EDA: variants seen among roughly 807,000 people sequenced by gnomAD.
EDA encodes ectodysplasin-A.
A neutral mutation model predicts 23.6 loss-of-function variants in EDA; 2 were observed. The ratio of observed to expected loss-of-function variants is 0.08; its 90% CI spans 0.03 to 0.27. EDA has a LOEUF of 0.27. Among genes scored for constraint, EDA ranks in the 10% least tolerant of loss-of-function variants. The pLI, the probability that EDA is intolerant of heterozygous loss-of-function variation, is 1.00. For synonymous variants in EDA, 131 were observed against 132.0 expected (o/e 0.99, Z 0.05); for missense variants, 229 against 324.2 (o/e 0.71, Z 2.26).
At chrX:69,812,924 T>C (rs2015994484) in intron 1 of EDA, among the ~76,000 whole-genome samples, 1 of 111,757 alleles carries the variant, frequency 8.9e-6, no homozygotes, top group Admixed American at 9.5e-5. Flanking sequence ...AATTAAGATT[T>C]ATTTTTAGTT....
chrX:69,706,402 T>C (rs2011723455), intron 1 of EDA, among the ~76,000 whole-genome samples: 1 of 112,090 alleles, frequency 8.9e-6, no homozygotes, highest in African/African-American at 3.2e-5. Context: ...TAGAGTACTA[T>C]CGATGAAAAG....
intron 1 of EDA, among the ~76,000 whole-genome samples, chrX:69,921,596 C>T (rs1159933100): frequency 9.0e-6 from 1 of 110,606 alleles, no homozygotes; most frequent in Non-Finnish European, 1.9e-5. Context: ...ATTCACACCT[C>T]TGTGGGGACA....
chrX:69,682,053 A>G (rs978213674), intron 1 of EDA, among the ~76,000 whole-genome samples: 2 of 111,317 alleles, frequency 1.8e-5, no homozygotes, highest in Non-Finnish European at 3.8e-5. Flanking sequence ...CAGGACCCTC[A>G]GCTGCAGGTC....
At chrX:69,809,572 G>A (rs889109533) in intron 1 of EDA, among the ~76,000 whole-genome samples, 1 of 111,758 alleles carries the variant, frequency 8.9e-6, no homozygotes, top group African/African-American at 3.3e-5. Flanking sequence ...GAGGAATTTA[G>A]GCAAGGTAAA....
chrX:69,848,042 A>G (rs2017044744), intron 1 of EDA, among the ~76,000 whole-genome samples: 1 of 111,769 alleles, frequency 8.9e-6, no homozygotes, highest in Non-Finnish European at 1.9e-5. Context: ...AGCCATTCTA[A>G]TAGGTGTGTA....
intron 1 of EDA, among the ~76,000 whole-genome samples, chrX:69,869,973 G>C (rs1327706834): frequency 9.0e-6 from 1 of 111,447 alleles, no homozygotes; most frequent in East Asian, 2.8e-4. Flanking sequence ...ATCAGTCAAG[G>C]GTATAGCTTC....
intron 1 of EDA, among the ~76,000 whole-genome samples, chrX:69,921,556 T>G (rs1172056794): frequency 9.0e-6 from 1 of 110,532 alleles, no homozygotes; most frequent in Non-Finnish European, 1.9e-5. Context: ...CCGATTCCAA[T>G]TTGTGGCTAT....
chrX:69,677,530 G>T (rs1175206374), intron 1 of EDA, among the ~76,000 whole-genome samples: 1 of 111,514 alleles, frequency 9.0e-6, no homozygotes, highest in Non-Finnish European at 1.9e-5. Flanking sequence ...TCTAACTGGT[G>T]TGAGATGGTA....
At chrX:69,867,720 C>G (rs1166459771) in intron 1 of EDA, among the ~76,000 whole-genome samples, 2 of 112,041 alleles carry the variant, frequency 1.8e-5, no homozygotes, top group African/African-American at 3.2e-5. Flanking sequence ...CTTCCTCTGT[C>G]AACTGATCAT....
At chrX:69,878,348 G>T (rs2017680938) in intron 1 of EDA, among the ~76,000 whole-genome samples, 1 of 112,463 alleles carries the variant, frequency 8.9e-6, no homozygotes, top group African/African-American at 3.2e-5. Flanking sequence ...CGGCAACAGG[G>T]GCCCCAGAAG....
intron 1 of EDA, among the ~76,000 whole-genome samples, chrX:69,883,964 C>T (rs182328125): frequency 5.5e-5 from 6 of 110,013 alleles, no homozygotes; most frequent in Admixed American, 9.7e-5. Flanking sequence ...ATTAGCCAGG[C>T]GTGGTGGGAG....
intron 1 of EDA, among the ~76,000 whole-genome samples, chrX:69,755,241 G>T (rs747293019): frequency 8.9e-6 from 1 of 111,916 alleles, no homozygotes. Context: ...TAGGGTTTTG[G>T]TGTGGATGTC....
chrX:69,910,370 AGAGAGT>A (rs1395840112), intron 1 of EDA, among the ~76,000 whole-genome samples: 127 of 46,127 alleles, frequency 2.8e-3, no homozygotes, highest in Middle Eastern at 0.011. Context: ...AGAGAGAGAG[AGAGAGT>A]GTGTGTGTGT....
At chrX:69,832,202 G>A (rs773496888) in intron 1 of EDA, among the ~76,000 whole-genome samples, 48 of 111,594 alleles carry the variant, frequency 4.3e-4, no homozygotes, top group Admixed American at 2.4e-3. Flanking sequence ...TCAATCTCGA[G>A]TTAATTTTTG....
At chrX:69,883,736 G>C (rs1352789393) in intron 1 of EDA, among the ~76,000 whole-genome samples, 1 of 111,459 alleles carries the variant, frequency 9.0e-6, no homozygotes, top group Admixed American at 9.6e-5. Flanking sequence ...ATAGAGTTTT[G>C]AGCAGTATTT....
intron 2 of EDA, among the ~76,000 whole-genome samples, chrX:69,973,962 C>T (rs1286091994): frequency 9.1e-6 from 1 of 109,948 alleles, no homozygotes; most frequent in African/African-American, 3.3e-5. Flanking sequence ...ATTGAAAAGA[C>T]TAAGTCCTAA....
Position 69,616,407 on chromosome X carries a change from G to A in EDA, c.99G>A (p.Arg33=). The A allele has an allele frequency of 8.3e-7, 1 of 1,208,513 alleles. No homozygotes were observed. Among genetic ancestry groups the A allele is most frequent in the Non-Finnish European group, 1.1e-6 (1 of 895,018 alleles). Residue 33 remains arginine, a synonymous_variant, in exon 1 of 8, where the codon CGG becomes CGA. Transcript: ENST00000374552. The stretch of plus-strand genomic sequence containing the variant: ...GCGGGTGTGGCGGGGCCCCTGCCCG[G>A]GCGGGCGAAGGGAACAGCTGCCTGC... ...QGCGCGGAPA[R]AGEGNSCLLF... is the part of the protein sequence containing the mutation.
intron 1 of EDA, among the ~76,000 whole-genome samples, chrX:69,888,987 T>G (rs200421804): frequency 7.9e-5 from 4 of 50,504 alleles, no homozygotes; most frequent in East Asian, 1.1e-3. Flanking sequence ...GTTATATATA[T>G]ATATATATAT....
At chrX:69,843,013 G>C (rs764942736) in intron 1 of EDA, among the ~76,000 whole-genome samples, 29 of 111,707 alleles carry the variant, frequency 2.6e-4, no homozygotes, top group Non-Finnish European at 5.1e-4. Flanking sequence ...CCAGTCTCAG[G>C]TATTTCTTTA....
Sources: gnomAD v4.1 joint callset for allele counts (sites outside exome capture counted in the v4.1 genomes callset) on GRCh38, gnomAD v4.1.1 for gene constraint, MANE v1.5 for transcripts, NCBI Gene and HGNC (gene_info 2026-07-23, HGNC 2026-07-21) for gene names.